RIMS1: variants seen among roughly 807,000 people sequenced by gnomAD.
RIMS1 encodes the protein regulating synaptic membrane exocytosis protein 1.
RIMS1 carries 83 observed loss-of-function variants against 214.1 expected under a neutral mutation model. That is an observed-to-expected ratio of 0.39 (90% CI 0.32 to 0.47). RIMS1 has a LOEUF of 0.47. Ranked by LOEUF, RIMS1 falls within the 20% of genes least tolerant of loss-of-function variation. The probability of loss-of-function intolerance (pLI) is 0.99; values close to 1 mark genes in which losing one functional copy is unlikely to be tolerated. For missense variants in RIMS1, 2,050 were observed against 2,161.8 expected (o/e 0.95, Z 1.03); for synonymous variants, 793 against 786.8 (o/e 1.01, Z -0.13).
chr6:72,296,144 AAGAAG>A (rs558726411), intron 26 of RIMS1, among the ~76,000 whole-genome samples: 11 of 151,846 alleles, frequency 7.2e-5, no homozygotes, highest in Non-Finnish European at 1.0e-4. Context: ...GTTCACATCA[AAGAAG>A]AGAAGATTAC....
intron 1 of RIMS1, among the ~76,000 whole-genome samples, chr6:71,930,359 C>T (rs1052193803): frequency 6.6e-6 from 1 of 151,862 alleles, no homozygotes; most frequent in African/African-American, 2.4e-5. Flanking sequence ...ACATGATAAA[C>T]AATAAGGTTA....
chr6:72,236,818 G>A (rs1045144580), intron 8 of RIMS1, among the ~76,000 whole-genome samples: 1 of 149,074 alleles, frequency 6.7e-6, no homozygotes, highest in Admixed American at 6.7e-5. Flanking sequence ...TTTTAAGGAA[G>A]TTAACAAATT....
intron 29 of RIMS1, among the ~76,000 whole-genome samples, chr6:72,337,171 C>T (rs114552377): frequency 2.7e-3 from 416 of 151,850 alleles, no homozygotes; most frequent in African/African-American, 9.6e-3. Flanking sequence ...GAATGAACCT[C>T]CAGGTAAACT....
At chr6:72,346,508 G>A (rs1397318811) in intron 29 of RIMS1, among the ~76,000 whole-genome samples, 1 of 151,648 alleles carries the variant, frequency 6.6e-6, no homozygotes. Flanking sequence ...CATGAAAGAT[G>A]TTTATGAACT....
At chr6:72,201,745 A>G (rs1464970214) in intron 6 of RIMS1, among the ~76,000 whole-genome samples, 6 of 152,134 alleles carry the variant, frequency 3.9e-5, no homozygotes, top group Admixed American at 3.9e-4. Flanking sequence ...AACCCTAACA[A>G]TCTAAATTTT....
At chr6:71,951,926 C>G (rs1330238507) in intron 1 of RIMS1, among the ~76,000 whole-genome samples, 1 of 152,134 alleles carries the variant, frequency 6.6e-6, no homozygotes, top group African/African-American at 2.4e-5. Context: ...AATATCCCTG[C>G]TCCCTAGTAA....
chr6:72,073,750 G>A (rs987077280), intron 2 of RIMS1, among the ~76,000 whole-genome samples: 1 of 152,106 alleles, frequency 6.6e-6, no homozygotes, highest in African/African-American at 2.4e-5. Flanking sequence ...ATTTTGTTCA[G>A]TTCTGCCTTT....
intron 6 of RIMS1, among the ~76,000 whole-genome samples, chr6:72,197,718 T>C (rs569353950): frequency 6.0e-4 from 92 of 152,134 alleles, no homozygotes; most frequent in African/African-American, 2.1e-3. Context: ...TAAAATAACC[T>C]GATCTTAGGC....
chr6:72,109,919 T>C (rs1181251079), intron 4 of RIMS1, among the ~76,000 whole-genome samples: 1 of 152,170 alleles, frequency 6.6e-6, no homozygotes, highest in Non-Finnish European at 1.5e-5. Flanking sequence ...TTTCTACATA[T>C]GGCTAGCCAG....
intron 13 of RIMS1, among the ~76,000 whole-genome samples, 178 bp from the exon 14 acceptor site, chr6:72,250,743 C>A (rs1218792896): frequency 6.6e-6 from 1 of 152,088 alleles, no homozygotes; most frequent in African/African-American, 2.4e-5. Flanking sequence ...CCTATAATTA[C>A]AATACTGCTT....
Position 72,163,342 on chromosome 6 carries a change from A to G in RIMS1, c.472-16233A>G, listed in dbSNP as rs1289081983. ...GCCATGGGTTCAAACTTCCTCCTTTAGTTCAGAGTAGTTTGATCATCTGAA... is the reference window on the plus strand; with the variant it reads ...GCCATGGGTTCAAACTTCCTCCTTTGGTTCAGAGTAGTTTGATCATCTGAA... On this transcript the variant is annotated intron_variant, in intron 4 of 33. Transcript: ENST00000521978. 2.9e-5 allele frequency among the ~76,000 whole-genome samples: 4 copies of G among 140,026 alleles called. 1 individual carries two copies. Among genetic ancestry groups the G allele is most frequent in the Non-Finnish European group, 4.9e-5 (3 of 61,656 alleles). 91.9% of individuals were successfully genotyped at this position (140,026 alleles called of 152,430 possible).
At chr6:72,074,645 T>A (rs1355218052) in intron 2 of RIMS1, among the ~76,000 whole-genome samples, 1 of 152,132 alleles carries the variant, frequency 6.6e-6, no homozygotes, top group Non-Finnish European at 1.5e-5. Flanking sequence ...AGCCTGGGCA[T>A]GAGAGTGAGA....
intron 2 of RIMS1, among the ~76,000 whole-genome samples, chr6:72,081,481 T>A (rs1055957653): frequency 6.6e-6 from 1 of 152,198 alleles, no homozygotes; most frequent in Non-Finnish European, 1.5e-5. Context: ...GGTGCAATAT[T>A]ATGAAAGGTA....
At chr6:72,009,248 C>T (rs1352518051) in intron 2 of RIMS1, among the ~76,000 whole-genome samples, 1 of 152,156 alleles carries the variant, frequency 6.6e-6, no homozygotes, top group Non-Finnish European at 1.5e-5. Context: ...GAAATGAAGG[C>T]AGAAATAAAG....
chr6:71,960,355 T>C (rs1456448655), intron 1 of RIMS1, among the ~76,000 whole-genome samples: 1 of 152,184 alleles, frequency 6.6e-6, no homozygotes, highest in Non-Finnish European at 1.5e-5. Context: ...AATTTTTTAC[T>C]AGTAGAAATG....
intron 29 of RIMS1, among the ~76,000 whole-genome samples, chr6:72,369,201 A>G (rs999702930): frequency 2.6e-5 from 4 of 151,910 alleles, no homozygotes; most frequent in Middle Eastern, 3.4e-3. Context: ...AATTGAAATG[A>G]TAAGAATCTC....
intron 6 of RIMS1, among the ~76,000 whole-genome samples, chr6:72,232,076 A>G (rs1387498891): frequency 6.6e-6 from 1 of 151,630 alleles, no homozygotes; most frequent in Non-Finnish European, 1.5e-5. Context: ...TTAAACTTCA[A>G]AGACTTTTTA....
chr6:72,313,441 T>C, intron 27 of RIMS1, 65 bp from the exon 28 acceptor site: 2 of 1,466,592 alleles, frequency 1.4e-6, no homozygotes, highest in Non-Finnish European at 1.9e-6. Flanking sequence ...GTCATTCATC[T>C]CACCATCTAT....
chr6:72,262,824 T>C (rs943726072), intron 19 of RIMS1: 16 of 717,006 alleles, frequency 2.2e-5, no homozygotes, highest in Non-Finnish European at 2.7e-5. Context: ...CCATGTTCAC[T>C]TAGGACTTAT....
Sources: gnomAD v4.1 joint callset for allele counts (sites outside exome capture counted in the v4.1 genomes callset) on GRCh38, gnomAD v4.1.1 for gene constraint, MANE v1.5 for transcripts, NCBI Gene and HGNC (gene_info 2026-07-23, HGNC 2026-07-21) for gene names.